Variants in PKM observed in about 807,000 individuals in gnomAD.
PKM encodes the protein pyruvate kinase PKM.
PKM carries 18 observed loss-of-function variants against 49.8 expected under a neutral mutation model. The observed-to-expected ratio is 0.36, with a 90% CI of 0.25 to 0.54. PKM has a LOEUF of 0.54. PKM is among the 20% of genes least tolerant of loss of function. The pLI, the probability that PKM is intolerant of heterozygous loss-of-function variation, is 0.89. For synonymous variants in PKM, 239 were observed against 261.8 expected (o/e 0.91, Z 0.84); for missense variants, 508 against 713.8 (o/e 0.71, Z 3.28).
chr15:72,210,606 C>T, intron 3 of PKM, 128 bp from the exon 4 acceptor site: 1 of 1,018,468 alleles, frequency 9.8e-7, no homozygotes, highest in Admixed American at 2.0e-5. Flanking sequence ...TATCTCCATC[C>T]TCAGCACGAT....
intron 6 of PKM, among the ~76,000 whole-genome samples, chr15:72,208,291 T>A (rs912889250): frequency 6.6e-6 from 1 of 152,070 alleles, no homozygotes; most frequent in Non-Finnish European, 1.5e-5. Context: ...ACACTGGTAG[T>A]GTTTCTGATC....
intron 1 of PKM, chr15:72,230,843 G>A: frequency 3.1e-6 from 3 of 958,782 alleles, no homozygotes; most frequent in Admixed American, 4.8e-5. Context: ...AGGAGGAAGA[G>A]GATGGGACCA....
chr15:72,217,263 G>C (rs867866674), intron 3 of PKM, 146 bp downstream of exon 3: 5 of 667,670 alleles, frequency 7.5e-6, no homozygotes, highest in Non-Finnish European at 1.4e-5. Flanking sequence ...AAGGAGAGTA[G>C]GGATGGGCTA....
intron 1 of PKM, chr15:72,230,785 G>A: frequency 2.3e-6 from 1 of 436,078 alleles, no homozygotes; most frequent in Non-Finnish European, 4.1e-6. Context: ...CAATCACGAG[G>A]GACCGAGAGA....
chr15:72,231,142 G>C lies in PKM; in HGVS notation c.-40C>G. 3.1e-6 allele frequency: 1 copy of C among 318,798 alleles called. No individual in the cohort carries two copies. Among genetic ancestry groups the C allele is most frequent in the South Asian group, 2.3e-5 (1 of 43,074 alleles). The allele number at this position is 318,798 out of a possible 1,614,324, so 19.7% of individuals were successfully genotyped here. On this transcript the variant is annotated 5_prime_UTR_variant, in exon 1 of 11. Coordinates refer to ENST00000335181, the MANE Select transcript of PKM (RefSeq NM_002654.6). ...TCCGGCGCTGACCGACTCGGGCTAC[G>C]CTGCAAAGACGAAGAGATCCGGAGC... is the stretch of plus-strand genomic sequence containing the variant.
At chr15:72,221,506 G>T (rs2082522951) in intron 1 of PKM, among the ~76,000 whole-genome samples, 1 of 151,694 alleles carries the variant, frequency 6.6e-6, no homozygotes, top group Non-Finnish European at 1.5e-5. Context: ...ATACCTAAAA[G>T]ACCTGGGAGG....
intron 8 of PKM, among the ~76,000 whole-genome samples, chr15:72,205,914 G>A (rs2082065537): frequency 6.6e-6 from 1 of 152,174 alleles, no homozygotes; most frequent in Admixed American, 6.5e-5. Flanking sequence ...CAAAGGGACT[G>A]AGCCTCCAAC....
At position 72,199,680 on chromosome 15, in the gene PKM, G is replaced by T. The variant is rs2081887942; in HGVS notation, c.1566C>A (p.Thr522=). 1.2e-6 allele frequency: 2 copies of T among 1,613,784 alleles called. No individual in the cohort carries two copies. The highest frequency in any genetic ancestry group is 4.5e-5 in the East Asian group (2 of 44,872). The change falls in exon 11 of 11, where the codon ACC becomes ACA. Residue 522 remains threonine, a synonymous_variant. Coordinates refer to ENST00000335181, the MANE Select transcript of PKM (RefSeq NM_002654.6). Reference sequence around the variant, plus strand: ...GCACAGGAACAACACGCATGGTGTTGGTGAAGCCGGAGCCAGGGCGCCATC... The same window carrying T: ...GCACAGGAACAACACGCATGGTGTTTGTGAAGCCGGAGCCAGGGCGCCATC... ...LTGWRPGSGF[T]NTMRVVPVP
intron 1 of PKM, among the ~76,000 whole-genome samples, chr15:72,227,759 AAAAAAAAAAAAAAAAC>A (rs1208303116): frequency 5.5e-4 from 74 of 133,602 alleles, no homozygotes; most frequent in Admixed American, 1.4e-3. Context: ...AAAAAAAAAA[AAAAAAAAAAAAAAAAC>A]AAAAAACTGA....
chr15:72,205,381 A>C (rs940806132), intron 8 of PKM, among the ~76,000 whole-genome samples: 2 of 152,184 alleles, frequency 1.3e-5, no homozygotes, highest in African/African-American at 2.4e-5. Flanking sequence ...GGCCTCCCAA[A>C]GTACTGAGAT....
In PKM at chr15:72,210,465, G is replaced by A. The variant is rs868062740; in HGVS notation, c.260C>T (p.Thr87Ile). The change falls in exon 4 of 11, where the codon ACC becomes ATC. Residue 87 changes from threonine to isoleucine, a missense_variant. Physicochemically the swap from Thr to Ile is moderately conservative, Grantham distance 89. Coordinates refer to ENST00000335181, the MANE Select transcript of PKM (RefSeq NM_002654.6). ...CGTGGCTGTGCGCACATTCTTGATG[G>A]TCTCCGCATGGTACTGGGGGAAAAG... ...SHGTHEYHAETIKNVRTATES... is the reference protein window; with the variant it reads ...SHGTHEYHAEIIKNVRTATES... The A allele has an allele frequency of 3.7e-6, 6 of 1,614,158 alleles. No homozygotes were observed. The highest frequency in any genetic ancestry group is 4.2e-6 in the Non-Finnish European group (5 of 1,180,008).
At chr15:72,224,362 C>T (rs2082604532) in intron 1 of PKM, among the ~76,000 whole-genome samples, 1 of 152,120 alleles carries the variant, frequency 6.6e-6, no homozygotes. Context: ...CAAAGTGAGG[C>T]ACTGGCTCAA....
In PKM at chr15:72,208,669, T is replaced by C; in HGVS notation, c.788A>G (p.Lys263Arg). 6.2e-7 allele frequency: 1 copy of C among 1,614,152 alleles called. No individual in the cohort carries two copies. Among genetic ancestry groups the C allele is most frequent in the African/African-American group, 1.3e-5 (1 of 75,048 alleles). Reference sequence around the variant, plus strand: ...GATTTTGCTGATAATCTTGATGTTCTTTCCCTTCTCTCCCAGGACCTTCCT... The same window carrying C: ...GATTTTGCTGATAATCTTGATGTTCCTTCCCTTCTCTCCCAGGACCTTCCT... ...EVRKVLGEKG[K>R]NIKIISKIEN... The change falls in exon 6 of 11, where the codon AAG becomes AGG. Residue 263 changes from lysine (K) to arginine (R), a missense_variant. Transcript: ENST00000335181.
At position 72,200,828 on chromosome 15, in the gene PKM, C is replaced by T. The variant is rs1356043014; in HGVS notation, c.1308-173G>A. 3.3e-6 allele frequency: 2 copies of T among 598,364 alleles called. No homozygotes were observed. The highest frequency in any genetic ancestry group is 5.9e-6 in the Non-Finnish European group (2 of 337,870). The allele number at this position is 598,364 out of a possible 1,614,324, so 37.1% of individuals were successfully genotyped here. On this transcript the variant is annotated intron_variant, in intron 9 of 10. Transcript: ENST00000335181. This position sits in a 1 kb window ranked among gnomAD's most constrained non-coding sequence, Gnocchi z 4.6. ...CTCGGGCAGCCCCTCATCCTATATC[C>T]CCCACAGCATGCTAGGTTACCATTT...
intron 4 of PKM, 109 bp from the exon 5 acceptor site, chr15:72,209,968 G>T: frequency 1.1e-6 from 1 of 915,944 alleles, no homozygotes. Context: ...TCAAGTCACT[G>T]CTAAAAGTAA....
intron 8 of PKM, among the ~76,000 whole-genome samples, chr15:72,205,624 G>GCTTTTTTT (rs2082053528): frequency 1.0e-5 from 1 of 99,740 alleles, no homozygotes; most frequent in African/African-American, 3.6e-5. Context: ...GGGTGTTTTA[G>GCTTTTTTT]TTTTTTTTTT....
intron 6 of PKM, 86 bp from the exon 7 acceptor site, chr15:72,207,363 C>G: frequency 8.3e-7 from 1 of 1,204,964 alleles, no homozygotes; most frequent in East Asian, 2.3e-5. Flanking sequence ...CTGGGATTCC[C>G]TAACTTAGAT....
At chr15:72,209,189 A>T (rs1020516486) in intron 5 of PKM, among the ~76,000 whole-genome samples, 12 of 151,922 alleles carry the variant, frequency 7.9e-5, no homozygotes, top group African/African-American at 2.4e-4. Context: ...CAACATGGCA[A>T]AACGCCATCT....
chr15:72,203,614 C>T (rs2082000515), intron 8 of PKM: 1 of 279,178 alleles, frequency 3.6e-6, no homozygotes, highest in African/African-American at 2.2e-5. Flanking sequence ...CAGGCTCCTG[C>T]CCAGCCTCCA....
Sources: gnomAD v4.1 joint callset for allele counts (sites outside exome capture counted in the v4.1 genomes callset) on GRCh38, gnomAD v4.1.1 for gene constraint, Gnocchi (gnomAD v3.1) non-coding constraint, MANE v1.5 for transcripts, NCBI Gene and HGNC (gene_info 2026-07-23, HGNC 2026-07-21) for gene names.